Variants in TENM4 observed in about 807,000 individuals in gnomAD.
TENM4 encodes the protein teneurin transmembrane protein 4.
In TENM4, 82 loss-of-function variants were observed where a neutral mutation model predicts 243.3. That is an observed-to-expected ratio of 0.34 (90% CI 0.28 to 0.40). TENM4 has a LOEUF of 0.40. Ranked by LOEUF, TENM4 falls within the 10% of genes least tolerant of loss-of-function variation. The pLI is 1.00. For missense variants in TENM4, 3,138 were observed against 3,673.3 expected (o/e 0.85, Z 3.77); for synonymous variants, 1,412 against 1,456.3 (o/e 0.97, Z 0.69).
chr11:79,076,660 C>G (rs1202705312), intron 4 of TENM4, among the ~76,000 whole-genome samples: 1 of 151,994 alleles, frequency 6.6e-6, no homozygotes, highest in African/African-American at 2.4e-5. Context: ...TTATGTGAAG[C>G]TGGGCTTGGA....
At chr11:78,912,720 A>G (rs530123470) in intron 6 of TENM4, among the ~76,000 whole-genome samples, 38 of 152,354 alleles carry the variant, frequency 2.5e-4, no homozygotes, top group African/African-American at 8.4e-4. Context: ...AGGGAAGAAC[A>G]GAGTTTTGGC....
intron 6 of TENM4, among the ~76,000 whole-genome samples, chr11:79,026,698 C>T (rs561493191): frequency 9.2e-5 from 14 of 152,284 alleles, no homozygotes; most frequent in South Asian, 2.1e-4. Context: ...AGTCCAGCTT[C>T]GCAGAGAAGG....
intron 14 of TENM4, among the ~76,000 whole-genome samples, chr11:78,811,606 G>C (rs1857504275): frequency 6.8e-6 from 1 of 146,476 alleles, no homozygotes; most frequent in Admixed American, 6.7e-5. Context: ...ACACACACGA[G>C]TGTGATAAAA....
At chr11:79,417,042 G>A (rs1858831536) in intron 1 of TENM4, among the ~76,000 whole-genome samples, 1 of 152,112 alleles carries the variant, frequency 6.6e-6, no homozygotes, top group African/African-American at 2.4e-5. Flanking sequence ...ATAACATTAA[G>A]GGCAAAACAG....
chr11:78,831,635 T>A (rs564675265), intron 12 of TENM4, among the ~76,000 whole-genome samples: 1 of 152,246 alleles, frequency 6.6e-6, no homozygotes, highest in Non-Finnish European at 1.5e-5. Context: ...GAATTACAGG[T>A]AGTGCAGCGG....
At chr11:79,239,235 T>A (rs759845852) in intron 2 of TENM4, among the ~76,000 whole-genome samples, 4 of 152,152 alleles carry the variant, frequency 2.6e-5, no homozygotes, top group Non-Finnish European at 5.9e-5. Flanking sequence ...CACTTTCTCA[T>A]CAAACCAGTC....
At chr11:79,215,431 C>G (rs1020106920) in intron 3 of TENM4, among the ~76,000 whole-genome samples, 5 of 152,184 alleles carry the variant, frequency 3.3e-5, no homozygotes, top group Non-Finnish European at 7.3e-5. Context: ...GGCCCTGCAC[C>G]CTGGTCTCCT....
intron 15 of TENM4, among the ~76,000 whole-genome samples, chr11:78,791,629 G>A (rs1857058762): frequency 6.6e-6 from 1 of 152,212 alleles, no homozygotes; most frequent in Non-Finnish European, 1.5e-5. Context: ...TGACCTCAAG[G>A]AGTTTACATT....
chr11:79,376,157 C>T (rs899856074), intron 1 of TENM4, among the ~76,000 whole-genome samples: 12 of 152,202 alleles, frequency 7.9e-5, no homozygotes, highest in East Asian at 3.8e-4. Context: ...CAACAGGGAA[C>T]GCATCCAATG....
At chr11:79,214,715 G>A (rs1322834366) in intron 3 of TENM4, among the ~76,000 whole-genome samples, 1 of 152,192 alleles carries the variant, frequency 6.6e-6, no homozygotes, top group East Asian at 1.9e-4. Context: ...TGGCCAATGG[G>A]TGGTGTGTCA....
At chr11:78,784,890 C>G (rs759436933) in intron 16 of TENM4, among the ~76,000 whole-genome samples, 5 of 152,094 alleles carry the variant, frequency 3.3e-5, no homozygotes, top group African/African-American at 9.7e-5. Flanking sequence ...TGTGACTAGA[C>G]GAAGGGAGAG....
At chr11:79,417,390 C>T (rs974038092) in intron 1 of TENM4, among the ~76,000 whole-genome samples, 1 of 152,124 alleles carries the variant, frequency 6.6e-6, no homozygotes, top group Admixed American at 6.6e-5. Context: ...TCCCTCTTAT[C>T]CTTTTTTGTG....
At chr11:78,937,000 A>G (rs372079972) in intron 6 of TENM4, among the ~76,000 whole-genome samples, 4 of 152,338 alleles carry the variant, frequency 2.6e-5, no homozygotes, top group African/African-American at 9.6e-5. Context: ...GAATCCTTCA[A>G]AAATGCTTCC....
intron 23 of TENM4, among the ~76,000 whole-genome samples, chr11:78,725,548 C>T (rs1219755004): frequency 6.6e-6 from 1 of 152,236 alleles, no homozygotes; most frequent in East Asian, 1.9e-4. Flanking sequence ...TTGTCTTTTG[C>T]TGTTCCCTTC....
At chr11:79,225,195 C>T (rs1213076528) in intron 2 of TENM4, among the ~76,000 whole-genome samples, 1 of 152,150 alleles carries the variant, frequency 6.6e-6, no homozygotes, top group Admixed American at 6.5e-5. Context: ...CAGTTTGTAG[C>T]ACTTTGTTCC....
intron 30 of TENM4, among the ~76,000 whole-genome samples, chr11:78,674,658 C>T (rs1013697698): frequency 2.1e-5 from 3 of 143,484 alleles, no homozygotes; most frequent in African/African-American, 6.1e-5. Context: ...CAGGAGTCTG[C>T]GAATTCAGAC....
chr11:79,011,539 C>T (rs1230935636), intron 6 of TENM4, among the ~76,000 whole-genome samples: 2 of 152,132 alleles, frequency 1.3e-5, no homozygotes, highest in African/African-American at 2.4e-5. Context: ...GCTTAGATGC[C>T]CAGGTTCCTG....
intron 1 of TENM4, among the ~76,000 whole-genome samples, chr11:79,367,518 A>T (rs570692956): frequency 2.0e-5 from 3 of 152,288 alleles, no homozygotes; most frequent in Admixed American, 6.5e-5. Flanking sequence ...TCTGATGCAC[A>T]TATGTTATTG....
At chr11:78,804,459 G>A (rs2136082941) in intron 15 of TENM4, among the ~76,000 whole-genome samples, 1 of 152,252 alleles carries the variant, frequency 6.6e-6, no homozygotes, top group Admixed American at 6.5e-5. Flanking sequence ...TAGGGTTTTT[G>A]TGCAGATTAA....
Sources: allele counts gnomAD v4.1 joint callset (sites outside exome capture counted in the v4.1 genomes callset), GRCh38; gene constraint gnomAD v4.1.1; transcripts MANE v1.5; gene names NCBI Gene and HGNC (gene_info 2026-07-23, HGNC 2026-07-21).